Variants in GLI3 observed in about 807,000 individuals in gnomAD.
The protein encoded by GLI3 is GLI family zinc finger 3, also known as transcription activator GLI3.
A neutral mutation model predicts 100.8 loss-of-function variants in GLI3; 20 were observed. That is an observed-to-expected ratio of 0.20 (90% CI 0.14 to 0.29). The LOEUF (loss-of-function observed/expected upper bound fraction) is 0.29. Among genes scored for constraint, GLI3 ranks in the 10% least tolerant of loss-of-function variants. The pLI is 1.00. For synonymous variants in GLI3, 938 were observed against 860.5 expected, an observed-to-expected ratio of 1.09 and a Z score of -1.58; for missense variants, 2,040 against 2,128.5, an observed-to-expected ratio of 0.96 and a Z score of 0.82.
chr7:42,030,625 A>C (rs189487645), intron 7 of GLI3, among the ~76,000 whole-genome samples: 113 of 152,170 alleles, frequency 7.4e-4, no homozygotes, highest in African/African-American at 2.5e-3. Flanking sequence ...CCTGAATAAG[A>C]ACCTTCCTAA....
chr7:42,113,374 A>G lies in GLI3; in HGVS notation c.367+34852T>C, dbSNP rs1278399601. 18 of 684,152 alleles carry G rather than the reference A, an allele frequency of 2.6e-5. No individual in the cohort carries two copies. The Admixed American group carries it at 3.2e-4, about 12-fold the overall frequency. 42.4% of individuals were successfully genotyped at this position (684,152 alleles called of 1,614,324 possible). ...CGCTGTTGTTGCCAGCATGCCCAAG[A>G]GAAAGGCTGAGGGGGATGCTGAAGG... On this transcript the variant is annotated intron_variant, in intron 3 of 14. Transcript: ENST00000395925.
chr7:42,152,552 C>A (rs371473461), intron 2 of GLI3: 7 of 310,602 alleles, frequency 2.3e-5, no homozygotes, highest in Non-Finnish European at 3.3e-5. Flanking sequence ...CATTAGTATT[C>A]TTTCTGAGTG....
At chr7:42,055,080 T>TATATATAC (rs1215614921) in intron 4 of GLI3, among the ~76,000 whole-genome samples, 5 of 136,678 alleles carry the variant, frequency 3.7e-5, no homozygotes, top group African/African-American at 1.3e-4. Flanking sequence ...CATATATATG[T>TATATATAC]ATATATACAT....
intron 10 of GLI3, among the ~76,000 whole-genome samples, chr7:42,019,053 T>C (rs1382974626): frequency 6.6e-6 from 1 of 152,238 alleles, no homozygotes; most frequent in Non-Finnish European, 1.5e-5. Flanking sequence ...ACATGTGTTA[T>C]TTCTTACACA....
intron 2 of GLI3, among the ~76,000 whole-genome samples, chr7:42,195,520 A>G (rs74725441): frequency 0.024 from 3,709 of 152,202 alleles, 137 homozygotes; most frequent in African/African-American, 0.083. Context: ...TTCTTTCATA[A>G]GTTTCAGCTT....
rs376660278 is a variant in GLI3 at position 42,025,407 on chromosome 7, A to G, written c.1243-30T>C. Reference sequence around the variant, plus strand: ...TGGTCACATTTGCAGAGCCAGAGACAAAAAGATTTTCATCAACAAGGAGCA... The same window carrying G: ...TGGTCACATTTGCAGAGCCAGAGACGAAAAGATTTTCATCAACAAGGAGCA... On this transcript the variant is annotated intron_variant, in intron 8 of 14. Transcript: ENST00000395925. The G allele has an allele frequency of 3.4e-5, 52 of 1,522,158 alleles. No homozygotes were observed. In the African/African-American group the frequency reaches 6.7e-4, roughly 20 times the overall value. 94.3% of individuals were successfully genotyped at this position (1,522,158 alleles called of 1,614,324 possible). A position where few individuals can be genotyped will look rare whatever the true frequency, so the allele number is the denominator to read the frequency against.
At chr7:42,113,374 A>AGAAAGGCT (rs1314062548) in intron 3 of GLI3, 1 of 684,152 alleles carries the variant, frequency 1.5e-6, no homozygotes, top group Non-Finnish European at 2.7e-6. Flanking sequence ...CATGCCCAAG[A>AGAAAGGCT]GAAAGGCTGA....
chr7:42,038,466 A>C (rs1019695225), intron 7 of GLI3, among the ~76,000 whole-genome samples: 2 of 152,226 alleles, frequency 1.3e-5, no homozygotes, highest in Non-Finnish European at 2.9e-5. Context: ...TAAACTTCAA[A>C]GAGCTGAGAG....
At chr7:42,219,326 G>T (rs529506516) in intron 2 of GLI3, among the ~76,000 whole-genome samples, 2 of 152,072 alleles carry the variant, frequency 1.3e-5, no homozygotes, top group East Asian at 3.9e-4. Context: ...ATGGGCACAT[G>T]AAACTACGGG....
rs375035442 is a variant in GLI3, at chr7:42,137,853, T to A, written c.367+10373A>T. Among the ~76,000 whole-genome samples, 15 of 152,356 alleles carry A rather than the reference T, an allele frequency of 9.8e-5. No individual in the cohort carries two copies. In the East Asian group the frequency reaches 2.7e-3, roughly 27 times the overall value. Reference sequence around the variant, plus strand: ...ATACTACATAAAATCGCCTTAAGACTGTGTGGAAAAGGTATATATAAAACA... The same window carrying A: ...ATACTACATAAAATCGCCTTAAGACAGTGTGGAAAAGGTATATATAAAACA... On this transcript the variant is annotated intron_variant, in intron 3 of 14. Transcript: ENST00000395925.
intron 2 of GLI3, among the ~76,000 whole-genome samples, chr7:42,189,586 T>C (rs1342781948): frequency 1.3e-5 from 2 of 152,282 alleles, no homozygotes; most frequent in East Asian, 1.9e-4. Flanking sequence ...GTTCAGATAC[T>C]CTAACATGTA....
At chr7:42,211,831 C>T (rs955516850) in intron 2 of GLI3, among the ~76,000 whole-genome samples, 1 of 152,202 alleles carries the variant, frequency 6.6e-6, no homozygotes, top group Non-Finnish European at 1.5e-5. Flanking sequence ...CAGAGCAGTC[C>T]TCAAAATGAA....
chr7:42,237,085 C>A lies in GLI3; in HGVS notation c.-157G>T, dbSNP rs1788819795. ...GGGCGGCTACGGCTACCGCGAGCGG[C>A]CGGGCTGGGCGCGGGGTGCGCCCGC... is the stretch of plus-strand genomic sequence containing the variant. On this transcript the variant is annotated 5_prime_UTR_variant, in exon 1 of 15. Coordinates refer to ENST00000395925, the MANE Select transcript of GLI3 (RefSeq NM_000168.6). The A allele has an allele frequency of 2.7e-5, 4 of 147,140 alleles. No individual in the cohort carries two copies. The highest frequency in any genetic ancestry group is 2.7e-4 in the Admixed American group (4 of 14,802). The allele number at this position is 147,140 out of a possible 1,614,324, so 9.1% of individuals were successfully genotyped here.
intron 10 of GLI3, among the ~76,000 whole-genome samples, chr7:42,014,765 G>A (rs1001565961): frequency 6.6e-6 from 1 of 152,106 alleles, no homozygotes; most frequent in African/African-American, 2.4e-5. Context: ...ACCCTAGATC[G>A]GACATGCATG....
rs772143453 is a variant in GLI3 at position 41,965,632 on chromosome 7, C to G, written c.3441G>C (p.Glu1147Asp). The G allele has an allele frequency of 1.2e-6, 2 of 1,611,550 alleles. No homozygotes were observed. Among genetic ancestry groups the G allele is most frequent in the South Asian group, 2.2e-5 (2 of 90,986 alleles). ...SHAGQQFHAL[E>D]QPCPEGSKTD... ...TTTTGCTGCCCTCGGGGCAGGGCTG[C>G]TCGAGGGCATGGAACTGCTGGCCAG... The change falls in exon 15 of 15, where the codon GAG becomes GAC. Residue 1147 changes from glutamate to aspartate, a missense_variant. By Grantham distance (45) the Glu-to-Asp change is conservative. Coordinates refer to ENST00000395925, the MANE Select transcript of GLI3 (RefSeq NM_000168.6).
chr7:42,086,272 T>C (rs2108166), intron 3 of GLI3, among the ~76,000 whole-genome samples: 29,530 of 152,118 alleles, frequency 0.19, 3,067 homozygotes, highest in Admixed American at 0.3. Flanking sequence ...ATGGGGAAAC[T>C]GACCTTCTCC....
At chr7:42,163,047 T>A (rs1787165383) in intron 2 of GLI3, among the ~76,000 whole-genome samples, 1 of 130,170 alleles carries the variant, frequency 7.7e-6, no homozygotes, top group Admixed American at 9.3e-5. Flanking sequence ...TCCTGTCAAA[T>A]AACAACTATC....
chr7:42,172,962 G>T (rs1038292124), intron 2 of GLI3, among the ~76,000 whole-genome samples: 2 of 152,212 alleles, frequency 1.3e-5, no homozygotes, highest in Non-Finnish European at 2.9e-5. Flanking sequence ...GAGAGAGAAA[G>T]GACCACGGAC....
intron 4 of GLI3, among the ~76,000 whole-genome samples, chr7:42,065,950 T>C (rs1784665467): frequency 6.6e-6 from 1 of 152,174 alleles, no homozygotes; most frequent in Admixed American, 6.5e-5. Flanking sequence ...AAAATGTCTT[T>C]AGGTCTCCAC....
Sources: gnomAD v4.1 joint callset for allele counts (sites outside exome capture counted in the v4.1 genomes callset) on GRCh38, gnomAD v4.1.1 for gene constraint, MANE v1.5 for transcripts, NCBI Gene and HGNC (gene_info 2026-07-23, HGNC 2026-07-21) for gene names.